Variants in C2orf76 observed in about 807,000 individuals in gnomAD.
The protein encoded by C2orf76 is chromosome 2 open reading frame 76.
A neutral mutation model predicts 16.9 loss-of-function variants in C2orf76; 23 were observed. The observed-to-expected ratio is 1.36, with a 90% CI of 0.98 to 1.93. The LOEUF (loss-of-function observed/expected upper bound fraction) is 1.93. Ranked by LOEUF, C2orf76 falls within the 30% of genes most tolerant of loss-of-function variation. The probability of loss-of-function intolerance (pLI) is 0.00; values close to 1 mark genes in which losing one functional copy is unlikely to be tolerated. For synonymous variants in C2orf76, 48 were observed against 52.3 expected (o/e 0.92, Z 0.35); for missense variants, 152 against 152.6 (o/e 1.00, Z 0.02).
intron 5 of C2orf76, among the ~76,000 whole-genome samples, chr2:119,309,636 T>C (rs949229222): frequency 6.6e-6 from 1 of 152,054 alleles, no homozygotes; most frequent in Non-Finnish European, 1.5e-5. Context: ...GCCAAGCTGG[T>C]CTCGAATTCC....
Position 119,314,014 on chromosome 2 carries a change from G to GTTTTTTTTTT in C2orf76, c.223-2321_223-2312dup, listed in dbSNP as rs368623211. ...CATTTGTTCCTTGCTTTTCTCAGTG[G>GTTTTTTTTTT]TTTTTTTTTTTTTTTTTTTTTTTAC... On this transcript the variant is annotated intron_variant, in intron 4 of 5. Coordinates refer to ENST00000334816, the MANE Select transcript of C2orf76 (RefSeq NM_001322331.2). Among the ~76,000 whole-genome samples, 21 of 86,138 alleles carry GTTTTTTTTTT rather than the reference G, an allele frequency of 2.4e-4. 1 individual carries two copies. Among genetic ancestry groups the GTTTTTTTTTT allele is most frequent in the South Asian group, 1.4e-3 (3 of 2,076 alleles). 56.5% of individuals were successfully genotyped at this position (86,138 alleles called of 152,430 possible).
chr2:119,339,363 C>T (rs6711445), intron 2 of C2orf76, among the ~76,000 whole-genome samples: 12,557 of 151,976 alleles, frequency 0.083, 653 homozygotes, highest in African/African-American at 0.14. Context: ...CAACTAGCAC[C>T]GCCGTTTCTG....
chr2:119,322,486 G>C (rs1679376844), intron 2 of C2orf76, among the ~76,000 whole-genome samples: 1 of 152,130 alleles, frequency 6.6e-6, no homozygotes, highest in Non-Finnish European at 1.5e-5. Flanking sequence ...GGGATTACAG[G>C]CATGAGCTAC....
At chr2:119,308,130 T>TA (rs1010061350) in intron 5 of C2orf76, among the ~76,000 whole-genome samples, 3 of 151,870 alleles carry the variant, frequency 2.0e-5, no homozygotes, top group African/African-American at 4.8e-5. Context: ...TTTATACTTT[T>TA]AAAAAAAATT....
chr2:119,354,560 T>G (rs1371825541), intron 1 of C2orf76, among the ~76,000 whole-genome samples: 1 of 152,186 alleles, frequency 6.6e-6, no homozygotes, highest in East Asian at 1.9e-4. Flanking sequence ...CCTACATTTA[T>G]AAACTAGGAC....
chr2:119,344,319 TC>T (rs1282709916), intron 1 of C2orf76, among the ~76,000 whole-genome samples: 1 of 152,198 alleles, frequency 6.6e-6, no homozygotes, highest in Non-Finnish European at 1.5e-5. Context: ...CTGACATTTT[TC>T]CCAGAAAGTT....
intron 1 of C2orf76, among the ~76,000 whole-genome samples, chr2:119,365,078 C>T (rs1275728648): frequency 6.6e-6 from 1 of 152,078 alleles, no homozygotes; most frequent in African/African-American, 2.4e-5. Flanking sequence ...AGTGAGACCA[C>T]ATCACACGCG....
chr2:119,361,523 C>T (rs1439415070), intron 1 of C2orf76, among the ~76,000 whole-genome samples: 1 of 151,778 alleles, frequency 6.6e-6, no homozygotes, highest in Non-Finnish European at 1.5e-5. Flanking sequence ...AGTATCACAA[C>T]TATTTATATA....
intron 2 of C2orf76, among the ~76,000 whole-genome samples, chr2:119,323,161 C>A (rs1431024614): frequency 6.6e-6 from 1 of 151,266 alleles, no homozygotes; most frequent in African/African-American, 2.4e-5. Context: ...GGACTACAGG[C>A]GCTCAGCACC....
intron 5 of C2orf76, among the ~76,000 whole-genome samples, chr2:119,305,076 G>A (rs1231306010): frequency 1.3e-5 from 2 of 152,160 alleles, no homozygotes; most frequent in African/African-American, 4.8e-5. Flanking sequence ...GAGTGCCTTG[G>A]CATGGGAATC....
intron 5 of C2orf76, among the ~76,000 whole-genome samples, chr2:119,305,904 G>A (rs1187702892): frequency 1.4e-5 from 2 of 138,664 alleles, no homozygotes; most frequent in Non-Finnish European, 3.1e-5. Flanking sequence ...TCAAACTACA[G>A]TTTGAAGAAA....
intron 4 of C2orf76, among the ~76,000 whole-genome samples, chr2:119,315,245 T>A (rs1573630181): frequency 6.6e-6 from 1 of 152,236 alleles, no homozygotes; most frequent in East Asian, 1.9e-4. Flanking sequence ...CCAGTCAGTC[T>A]TTTTATTGTG....
intron 5 of C2orf76, chr2:119,311,216 C>A: frequency 1.0e-6 from 1 of 985,446 alleles, no homozygotes; most frequent in Non-Finnish European, 1.2e-6. Flanking sequence ...GGAAGACTAT[C>A]AAAAACCACA....
At chr2:119,350,076 G>GCCCCCCCCCCCCCCCCCCCCCCC (rs1344357904) in intron 1 of C2orf76, among the ~76,000 whole-genome samples, 1 of 32,850 alleles carries the variant, frequency 3.0e-5, no homozygotes, top group African/African-American at 9.8e-5. Context: ...ACCGCCCCCC[G>GCCCCCCCCCCCCCCCCCCCCCCC]CCCCCCCACC....
At chr2:119,296,156 G>C in the C2orf76 span, among the ~76,000 whole-genome samples, 1 of 152,170 alleles carries the variant, frequency 6.6e-6, no homozygotes, top group Non-Finnish European at 1.5e-5. Flanking sequence ...AGAGTGAAAG[G>C]TACAGAGTGG....
intron 5 of C2orf76, among the ~76,000 whole-genome samples, chr2:119,305,999 T>C (rs1354036615): frequency 6.7e-6 from 1 of 149,378 alleles, no homozygotes; most frequent in African/African-American, 2.5e-5. Context: ...TACATGCCTG[T>C]AATTTCCACC....
In C2orf76 at chr2:119,324,619, A is replaced by C. The variant is rs115671159; in HGVS notation, c.134-3415T>G. ...GTGCTCAAAATATTCATGAAAGAATACATATAATTTAATGCCTACAGTTGC... is the reference window on the plus strand; with the variant it reads ...GTGCTCAAAATATTCATGAAAGAATCCATATAATTTAATGCCTACAGTTGC... On this transcript the variant is annotated intron_variant, in intron 2 of 5. Coordinates refer to ENST00000334816, the MANE Select transcript of C2orf76 (RefSeq NM_001322331.2). Among the ~76,000 whole-genome samples the C allele has an allele frequency of 4.7e-3, 714 of 152,318 alleles. 4 individuals are homozygous for C. Among genetic ancestry groups the C allele is most frequent in the African/African-American group, 0.016 (678 of 41,570 alleles).
At chr2:119,358,899 C>G (rs979287471) in intron 1 of C2orf76, among the ~76,000 whole-genome samples, 1 of 152,210 alleles carries the variant, frequency 6.6e-6, no homozygotes, top group African/African-American at 2.4e-5. Flanking sequence ...ATTGATGAAG[C>G]TGGCTACACT....
At chr2:119,356,442 A>C (rs923863410) in intron 1 of C2orf76, among the ~76,000 whole-genome samples, 3 of 151,896 alleles carry the variant, frequency 2.0e-5, no homozygotes, top group Non-Finnish European at 4.4e-5. Flanking sequence ...AACTGAATGA[A>C]AGTGGGACAC....
Sources: gnomAD v4.1 joint callset for allele counts (sites outside exome capture counted in the v4.1 genomes callset) on GRCh38, gnomAD v4.1.1 for gene constraint, MANE v1.5 for transcripts, NCBI Gene and HGNC (gene_info 2026-07-23, HGNC 2026-07-21) for gene names.